The following SHISA9 variants were observed in gnomAD, a reference collection of about 807,000 sequenced individuals.
The protein encoded by SHISA9 is shisa family member 9.
SHISA9 carries 13 observed loss-of-function variants against 38.0 expected under a neutral mutation model. The ratio of observed to expected loss-of-function variants is 0.34; its 90% CI spans 0.22 to 0.54. The LOEUF is 0.54. Ranked by LOEUF, SHISA9 falls within the 20% of genes least tolerant of loss-of-function variation. SHISA9 has a pLI of 0.91. For missense variants in SHISA9, 538 were observed against 575.8 expected (o/e 0.93, Z 0.67); for synonymous variants, 275 against 242.0 (o/e 1.14, Z -1.27).
intron 4 of SHISA9, among the ~76,000 whole-genome samples, chr16:13,222,512 C>T (rs1004827553): frequency 1.1e-4 from 17 of 152,266 alleles, no homozygotes; most frequent in Admixed American, 9.2e-4. Context: ...TAGGACACAT[C>T]ACTTTTGCTA....
At chr16:13,329,251 G>A in the SHISA9 span, among the ~76,000 whole-genome samples, 9 of 152,026 alleles carry the variant, frequency 5.9e-5, no homozygotes, top group Admixed American at 1.3e-4. Flanking sequence ...TTTCCTTTCC[G>A]GCGCCCCTCT....
chr16:13,076,988 G>A (rs754360684), intron 2 of SHISA9, among the ~76,000 whole-genome samples: 1 of 152,178 alleles, frequency 6.6e-6, no homozygotes, highest in Non-Finnish European at 1.5e-5. Flanking sequence ...GGTTACAACC[G>A]GGTTTGAGGC....
At chr16:13,052,529 G>T (rs1240936619) in intron 2 of SHISA9, among the ~76,000 whole-genome samples, 4 of 152,158 alleles carry the variant, frequency 2.6e-5, no homozygotes, top group Admixed American at 6.5e-5. Context: ...ACTAAAGGCT[G>T]CCAATTACAC....
At chr16:12,910,629 C>T (rs2071170010) in intron 1 of SHISA9, 1 of 985,410 alleles carries the variant, frequency 1.0e-6, no homozygotes, top group Non-Finnish European at 1.2e-6. Context: ...TATGTTTCAA[C>T]ATAATTGTTG....
At chr16:13,465,140 G>A in the SHISA9 span, among the ~76,000 whole-genome samples, 2 of 152,196 alleles carry the variant, frequency 1.3e-5, no homozygotes, top group Non-Finnish European at 2.9e-5. Context: ...GTGGAGGAAG[G>A]AGCATTGCAT....
chr16:13,518,263 G>T, the SHISA9 span, among the ~76,000 whole-genome samples: 65 of 151,830 alleles, frequency 4.3e-4, no homozygotes, highest in African/African-American at 1.5e-3. Context: ...GCTCTCGGTG[G>T]TTCAGAAAAA....
At chr16:13,021,643 A>G (rs1048212963) in intron 2 of SHISA9, among the ~76,000 whole-genome samples, 3 of 152,204 alleles carry the variant, frequency 2.0e-5, no homozygotes, top group African/African-American at 4.8e-5. Flanking sequence ...TCTGATACCA[A>G]TATTTTAAGA....
intron 2 of SHISA9, among the ~76,000 whole-genome samples, chr16:13,168,954 T>G (rs1035822412): frequency 1.3e-5 from 2 of 152,184 alleles, no homozygotes; most frequent in Admixed American, 1.3e-4. Flanking sequence ...GCTCAGTGAG[T>G]GATTGTCACC....
At chr16:13,102,035 T>C (rs2073883706) in intron 2 of SHISA9, among the ~76,000 whole-genome samples, 1 of 152,176 alleles carries the variant, frequency 6.6e-6, no homozygotes, top group Non-Finnish European at 1.5e-5. Flanking sequence ...AGGTGTGTGC[T>C]CCCTACTCAC....
At chr16:12,954,506 G>A (rs1013368865) in intron 2 of SHISA9, among the ~76,000 whole-genome samples, 6 of 152,160 alleles carry the variant, frequency 3.9e-5, no homozygotes, top group Admixed American at 6.6e-5. Flanking sequence ...TTTGATGGAG[G>A]ACAGGTTATT....
chr16:13,070,610 A>G (rs1308523679), intron 2 of SHISA9, among the ~76,000 whole-genome samples: 1 of 152,206 alleles, frequency 6.6e-6, no homozygotes, highest in East Asian at 1.9e-4. Context: ...AATTTCCAAA[A>G]AGGCAGGAGG....
At chr16:13,361,618 T>C in the SHISA9 span, among the ~76,000 whole-genome samples, 2 of 152,322 alleles carry the variant, frequency 1.3e-5, no homozygotes, top group East Asian at 1.9e-4. Flanking sequence ...AGTGAGTTCA[T>C]GGGGACTAAA....
intron 2 of SHISA9, among the ~76,000 whole-genome samples, chr16:13,135,363 A>AT (rs542068396): frequency 1.1e-3 from 161 of 152,340 alleles, no homozygotes; most frequent in African/African-American, 3.7e-3. Context: ...AAGGAGTGTG[A>AT]TCAGCAGATA....
chr16:13,168,095 T>A (rs1596697065), intron 2 of SHISA9, among the ~76,000 whole-genome samples: 3 of 152,138 alleles, frequency 2.0e-5, no homozygotes, highest in Non-Finnish European at 2.9e-5. Context: ...GATTAGCCAG[T>A]TCCTGGAGAT....
the SHISA9 span, among the ~76,000 whole-genome samples, chr16:13,460,489 G>A: frequency 6.6e-6 from 1 of 152,148 alleles, no homozygotes; most frequent in Non-Finnish European, 1.5e-5. Context: ...CCCACAGTTG[G>A]TAAATGCCAG....
At chr16:13,277,685 T>C in the SHISA9 span, among the ~76,000 whole-genome samples, 371 of 151,998 alleles carry the variant, frequency 2.4e-3, 4 homozygotes, top group South Asian at 9.1e-3. Flanking sequence ...TTGCAGCTAT[T>C]GTAAAAGGGG....
chr16:13,522,499 C>T, the SHISA9 span, among the ~76,000 whole-genome samples: 5 of 151,974 alleles, frequency 3.3e-5, no homozygotes, highest in South Asian at 4.2e-4. Flanking sequence ...GTGAGGAGTC[C>T]CCCCCCGATT....
chr16:12,925,234 C>A (rs1225832252), intron 2 of SHISA9, among the ~76,000 whole-genome samples: 1 of 151,888 alleles, frequency 6.6e-6, no homozygotes, highest in African/African-American at 2.4e-5. Flanking sequence ...CAATTCCTTC[C>A]CAAGGAAATA....
intron 2 of SHISA9, among the ~76,000 whole-genome samples, chr16:12,930,295 T>C (rs897424871): frequency 1.3e-5 from 2 of 152,234 alleles, no homozygotes; most frequent in Non-Finnish European, 2.9e-5. Context: ...GTCAATTCAT[T>C]GGGATCTTAT....
Sources: gnomAD v4.1 joint callset for allele counts (sites outside exome capture counted in the v4.1 genomes callset) on GRCh38, gnomAD v4.1.1 for gene constraint, MANE v1.5 for transcripts, NCBI Gene and HGNC (gene_info 2026-07-23, HGNC 2026-07-21) for gene names.